Variants in FSIP2 observed in about 807,000 individuals in gnomAD.
FSIP2 encodes the protein fibrous sheath-interacting protein 2.
FSIP2 carries 367 observed loss-of-function variants against 510.5 expected under a neutral mutation model. That is an observed-to-expected ratio of 0.72 (90% CI 0.66 to 0.78). The LOEUF (loss-of-function observed/expected upper bound fraction) is 0.78. Ranked by LOEUF, FSIP2 falls within the 30% of genes least tolerant of loss-of-function variation. The probability of loss-of-function intolerance (pLI) is 0.00; values close to 1 mark genes in which losing one functional copy is unlikely to be tolerated. For synonymous variants in FSIP2, 2,601 were observed against 2,732.2 expected, an observed-to-expected ratio of 0.95 and a Z score of 1.50; for missense variants, 7,594 against 7,901.7, an observed-to-expected ratio of 0.96 and a Z score of 1.48.
intron 13 of FSIP2, chr2:185,766,579 A>G (rs1353533264): frequency 1.3e-5 from 2 of 148,790 alleles, no homozygotes; most frequent in Non-Finnish European, 3.0e-5. Flanking sequence ...GCTCACCATC[A>G]CTGGCCATCA....
At position 185,801,763 on chromosome 2, in the gene FSIP2, C is replaced by T; in HGVS notation, c.12457C>T (p.Gln4153Ter). 2.0e-6 allele frequency: 3 copies of T among 1,523,710 alleles called. No individual in the cohort carries two copies. The highest frequency in any genetic ancestry group is 2.4e-5 in the South Asian group (2 of 82,564). The allele number at this position is 1,523,710 out of a possible 1,614,324, so 94.4% of individuals were successfully genotyped here. A position where few individuals can be genotyped will look rare whatever the true frequency, so the allele number is the denominator to read the frequency against. Reference protein sequence around the residue: ...LEDVIRRLLSQLIPPPITCSS... With the variant: ...LEDVIRRLLS ...AGATGTCATAAGAAGGCTTTTATCT[C>T]AGCTAATTCCTCCACCCATTACATG... The change falls in exon 17 of 23, where the codon CAG (glutamine) becomes TAG (stop). Residue 4153 changes from glutamine to a stop codon, truncating the protein, a stop_gained. Transcript: ENST00000424728. LOFTEE classifies it high-confidence loss of function.
intron 19 of FSIP2, among the ~76,000 whole-genome samples, chr2:185,818,999 T>A (rs979800678): frequency 2.0e-5 from 3 of 151,860 alleles, no homozygotes; most frequent in East Asian, 1.9e-4. Context: ...GACAAATGCA[T>A]GAAACAGATA....
Position 185,781,997 on chromosome 2 carries a change from G to A in FSIP2, c.1412-708G>A, listed in dbSNP as rs375021368. On this transcript the variant is annotated intron_variant, in intron 13 of 22. Transcript: ENST00000424728. ...GGGACTACAGGCGCAGGCCGCGCCC[G>A]GCTAATCTTTTTGTATTTTTAATAG... 6.6e-5 allele frequency among the ~76,000 whole-genome samples: 10 copies of A among 152,146 alleles called. No individual in the cohort carries two copies. In the East Asian group the frequency reaches 1.4e-3, roughly 21 times the overall value.
At position 185,801,918 on chromosome 2, in the gene FSIP2, A is replaced by G. The variant is rs746520099; in HGVS notation, c.12612A>G (p.Leu4204=). Residue 4204 remains leucine, a synonymous_variant, in exon 17 of 23, where the codon CTA becomes CTG. Coordinates refer to ENST00000424728, the MANE Select transcript of FSIP2 (RefSeq NM_173651.4). ...TCACTATATATGATAATCAATATCTATATACTGGAAAAAACCTCCAAAAGA... is the reference window on the plus strand; with the variant it reads ...TCACTATATATGATAATCAATATCTGTATACTGGAAAAAACCTCCAAAAGA... The part of the protein sequence containing the change: ...IWFTIYDNQY[L]YTGKNLQKMV... The G allele has an allele frequency of 1.2e-4, 180 of 1,509,034 alleles. No homozygotes were observed. The highest frequency in any genetic ancestry group is 1.5e-4 in the Non-Finnish European group (174 of 1,128,172). 93.5% of individuals were successfully genotyped at this position (1,509,034 alleles called of 1,614,324 possible). A position where few individuals can be genotyped will look rare whatever the true frequency, so the allele number is the denominator to read the frequency against.
chr2:185,764,146 A>G (rs1692412150), intron 12 of FSIP2, among the ~76,000 whole-genome samples: 1 of 151,690 alleles, frequency 6.6e-6, no homozygotes, highest in South Asian at 2.1e-4. Flanking sequence ...TTTTTAGGGT[A>G]ATGTGTGCAC....
At chr2:185,772,828 T>G (rs916766125) in intron 13 of FSIP2, among the ~76,000 whole-genome samples, 1 of 131,326 alleles carries the variant, frequency 7.6e-6, no homozygotes, top group African/African-American at 2.8e-5. Flanking sequence ...CCTCTCCTCT[T>G]CTCTTTTTCT....
chr2:185,770,454 G>T (rs903672747), intron 13 of FSIP2, among the ~76,000 whole-genome samples: 1 of 152,148 alleles, frequency 6.6e-6, no homozygotes, highest in Admixed American at 6.6e-5. Flanking sequence ...TGAAGGGGAA[G>T]CAGGCATATC....
Position 185,805,109 on chromosome 2 carries a change from A to C in FSIP2, c.15803A>C (p.Gln5268Pro), listed in dbSNP as rs780704952. The change falls in exon 17 of 23, where the codon CAG becomes CCG. Residue 5268 changes from glutamine to proline, a missense_variant. Transcript: ENST00000424728. The part of the protein sequence containing the change: ...ELAKSGKEKT[Q>P]PSLYSATFLE... ...GCTAAATCTGGTAAAGAAAAGACACAGCCTTCTCTCTATTCAGCTACATTT... is the reference window on the plus strand; with the variant it reads ...GCTAAATCTGGTAAAGAAAAGACACCGCCTTCTCTCTATTCAGCTACATTT... 1 of 1,607,296 alleles carries C rather than the reference A, an allele frequency of 6.2e-7. No homozygotes were observed. Among genetic ancestry groups the C allele is most frequent in the African/African-American group, 1.3e-5 (1 of 74,580 alleles).
Position 185,794,618 on chromosome 2 carries a change from G to T in FSIP2, c.7482G>T (p.Leu2494Phe). ...LIAVEELLNK[L>F]YQRVREVTGH... ...CAGTGGAAGAACTTTTGAATAAGTTGTATCAAAGAGTAAGGGAAGTCACAG... is the reference window on the plus strand; with the variant it reads ...CAGTGGAAGAACTTTTGAATAAGTTTTATCAAAGAGTAAGGGAAGTCACAG... Residue 2494 changes from leucine (L) to phenylalanine (F), a missense_variant, in exon 16 of 23, where the codon TTG becomes TTT. Transcript: ENST00000424728. 2 of 1,532,112 alleles carry T rather than the reference G, an allele frequency of 1.3e-6. No homozygotes were observed. The highest frequency in any genetic ancestry group is 1.7e-6 in the Non-Finnish European group (2 of 1,145,026). 94.9% of individuals were successfully genotyped at this position (1,532,112 alleles called of 1,614,324 possible).
Position 185,789,865 on chromosome 2 carries a change from A to G in FSIP2, c.2729A>G (p.Asn910Ser), listed in dbSNP as rs992822. 828,559 of 1,528,136 alleles carry G rather than the reference A, an allele frequency of 0.54. 226,434 individuals are homozygous for G. The highest frequency in any genetic ancestry group is 0.64 in the South Asian group (53,633 of 83,880). The allele number at this position is 1,528,136 out of a possible 1,614,324, so 94.7% of individuals were successfully genotyped here. Residue 910 changes from asparagine to serine, a missense_variant, in exon 16 of 23, where the codon AAT (asparagine) becomes AGT (serine). Asn to Ser is a conservative substitution (Grantham distance 46). Transcript: ENST00000424728. Reference sequence around the variant, plus strand: ...GTTGCTTATATAGAGGAAGCAATCAATGCTATACTAGGTTATATACAAACT... The same window carrying G: ...GTTGCTTATATAGAGGAAGCAATCAGTGCTATACTAGGTTATATACAAACT... The part of the protein sequence containing the change: ...SLVAYIEEAI[N>S]AILGYIQTEL...
intron 3 of FSIP2, among the ~76,000 whole-genome samples, chr2:185,743,795 A>G (rs1691972446): frequency 6.6e-6 from 1 of 152,186 alleles, no homozygotes; most frequent in Admixed American, 6.5e-5. Context: ...AATTGTGTGC[A>G]CTAAACTCCT....
In FSIP2 at chr2:185,794,211, A is replaced by G; in HGVS notation, c.7075A>G (p.Ile2359Val). 1 of 1,534,704 alleles carries G rather than the reference A, an allele frequency of 6.5e-7. No individual in the cohort carries two copies. Among genetic ancestry groups the G allele is most frequent in the African/African-American group, 1.4e-5 (1 of 73,014 alleles). ...ATATGCTGACGTCATTGCCAGTGCC[A>G]TTTTGAAGCTTATTAAAAATGACTT... is the stretch of plus-strand genomic sequence containing the variant. ...KTYADVIASA[I>V]LKLIKNDLDL... The change falls in exon 16 of 23, where the codon ATT becomes GTT. Residue 2359 changes from isoleucine to valine, a missense_variant. Ile to Val is a conservative substitution (Grantham distance 29). Transcript: ENST00000424728.
Position 185,801,027 on chromosome 2 carries a change from T to G in FSIP2, c.11721T>G (p.Tyr3907Ter), listed in dbSNP as rs935740365. Reference protein sequence around the residue: ...QSKSSLELRSYDSNSLTVSLN... With the variant: ...QSKSSLELRS ...AAAGTTCTTTAGAACTCAGGAGCTA[T>G]GATAGTAATTCTTTGACAGTATCCC... Residue 3907 changes from tyrosine (Y) to a stop codon, truncating the protein, a stop_gained, in exon 17 of 23, where the codon TAT becomes TAG. Transcript: ENST00000424728. LOFTEE classifies it high-confidence loss of function. The G allele has an allele frequency of 1.2e-5, 18 of 1,531,882 alleles. No homozygotes were observed. The highest frequency in any genetic ancestry group is 1.6e-5 in the Non-Finnish European group (18 of 1,144,250). 94.9% of individuals were successfully genotyped at this position (1,531,882 alleles called of 1,614,324 possible).
chr2:185,747,281 C>T (rs1181362634), intron 6 of FSIP2, 32 bp from the exon 7 acceptor site: 1 of 1,212,692 alleles, frequency 8.2e-7, no homozygotes, highest in Non-Finnish European at 1.2e-6. Context: ...GAAAGGCACA[C>T]ACACCAAGTG....
intron 19 of FSIP2, among the ~76,000 whole-genome samples, chr2:185,818,815 G>A (rs141827539): frequency 9.7e-4 from 148 of 151,966 alleles, no homozygotes; most frequent in African/African-American, 3.5e-3. Context: ...GACAAGAAAT[G>A]CTAAAGAAAG....
In FSIP2 at chr2:185,791,417, T is replaced by A. The variant is rs1343079508; in HGVS notation, c.4281T>A (p.Asn1427Lys). 6.5e-7 allele frequency: 1 copy of A among 1,534,232 alleles called. No individual in the cohort carries two copies. Among genetic ancestry groups the A allele is most frequent in the African/African-American group, 1.4e-5 (1 of 73,032 alleles). ...ATGGTGGAAACCATATTAAAGAGAA[T>A]GCAAAATTGCAAGTGTTAGAAAGAA... ...SVNGGNHIKE[N>K]AKLQVLERIG... Residue 1427 changes from asparagine (N) to lysine (K), a missense_variant, in exon 16 of 23, where the codon AAT becomes AAA. By Grantham distance (94) the Asn-to-Lys change is moderately conservative. Coordinates refer to ENST00000424728, the MANE Select transcript of FSIP2 (RefSeq NM_173651.4).
Position 185,747,364 on chromosome 2 carries a change from A to G in FSIP2, c.811A>G (p.Lys271Glu), listed in dbSNP as rs1692054201. The change falls in exon 7 of 23, where the codon AAA (lysine) becomes GAA (glutamate). Residue 271 changes from lysine (K) to glutamate (E), a missense_variant. Transcript: ENST00000424728. The stretch of plus-strand genomic sequence containing the variant: ...TCTGACAAGGATGGCAGAAGATGTT[A>G]AAAGAGAAGAGAGGATAGAAGAACA... ...LLLTRMAEDV[K>E]REERIEEQQH... is the part of the protein sequence containing the mutation. The G allele has an allele frequency of 6.5e-7, 1 of 1,533,346 alleles. No individual in the cohort carries two copies. Among genetic ancestry groups the G allele is most frequent in the African/African-American group, 1.4e-5 (1 of 73,062 alleles). 95.0% of individuals were successfully genotyped at this position (1,533,346 alleles called of 1,614,324 possible).
At chr2:185,764,456 A>T (rs1559015742) in intron 12 of FSIP2, 46 bp from the exon 13 acceptor site, 14 of 1,253,946 alleles carry the variant, frequency 1.1e-5, no homozygotes, top group Admixed American at 2.2e-5. Flanking sequence ...GAGTCCTAAA[A>T]TTTTTTTTTG....
rs1691960131 is a variant in FSIP2 at position 185,743,267 on chromosome 2, A to G, written c.360A>G (p.Lys120=). 5 of 1,506,554 alleles carry G rather than the reference A, an allele frequency of 3.3e-6. No homozygotes were observed. The highest frequency in any genetic ancestry group is 3.5e-4 in the Middle Eastern group (2 of 5,766). The allele number at this position is 1,506,554 out of a possible 1,614,324, so 93.3% of individuals were successfully genotyped here. ...KRKDILKRLK[K]GGYITSNNKV... is the part of the protein sequence containing the mutation. Reference sequence around the variant, plus strand: ...AAGATATTTTGAAGAGATTAAAGAAAGGTGGCTACATCACCAGCAATAATA... The same window carrying G: ...AAGATATTTTGAAGAGATTAAAGAAGGGTGGCTACATCACCAGCAATAATA... Residue 120 remains lysine (K), a synonymous_variant, in exon 3 of 23, where the codon AAA becomes AAG. Transcript: ENST00000424728.
Sources: gnomAD v4.1 joint callset for allele counts (sites outside exome capture counted in the v4.1 genomes callset) on GRCh38, gnomAD v4.1.1 for gene constraint, MANE v1.5 for transcripts, NCBI Gene and HGNC (gene_info 2026-07-23, HGNC 2026-07-21) for gene names.